The following SEMA3D variants were observed in gnomAD, a reference collection of about 807,000 sequenced individuals.
SEMA3D encodes semaphorin-3D.
SEMA3D carries 84 observed loss-of-function variants against 100.1 expected under a neutral mutation model. The ratio of observed to expected loss-of-function variants is 0.84; its 90% CI spans 0.70 to 1.01. The LOEUF is 1.01. Among genes scored for constraint, SEMA3D ranks in the 50% least tolerant of loss-of-function variants. The pLI, the probability that SEMA3D is intolerant of heterozygous loss-of-function variation, is 0.00. For synonymous variants in SEMA3D, 312 were observed against 320.7 expected, an observed-to-expected ratio of 0.97 and a Z score of 0.29; for missense variants, 875 against 934.1, an observed-to-expected ratio of 0.94 and a Z score of 0.82.
At chr7:85,092,623 AAT>A (rs1370574257) in intron 4 of SEMA3D, among the ~76,000 whole-genome samples, 3 of 152,050 alleles carry the variant, frequency 2.0e-5, no homozygotes, top group African/African-American at 4.8e-5. Context: ...TTTTTTAAAA[AAT>A]ATGTTTTCTG....
the SEMA3D span, among the ~76,000 whole-genome samples, chr7:85,213,737 G>T: frequency 3.3e-5 from 5 of 152,152 alleles, no homozygotes; most frequent in Non-Finnish European, 7.4e-5. Flanking sequence ...TAGTGTAAGT[G>T]CATGAGGTCT....
At chr7:85,161,089 C>A (rs1790734472) in intron 1 of SEMA3D, among the ~76,000 whole-genome samples, 1 of 152,064 alleles carries the variant, frequency 6.6e-6, no homozygotes, top group Non-Finnish European at 1.5e-5. Context: ...GAAGACAACA[C>A]AATCAACATA....
the SEMA3D span, among the ~76,000 whole-genome samples, chr7:85,248,608 C>A: frequency 6.6e-6 from 1 of 151,980 alleles, no homozygotes; most frequent in African/African-American, 2.4e-5. Context: ...AGAAATAAAA[C>A]GTGATACATC....
intron 1 of SEMA3D, among the ~76,000 whole-genome samples, chr7:85,184,833 G>T (rs1024636992): frequency 6.6e-6 from 1 of 152,156 alleles, no homozygotes; most frequent in Non-Finnish European, 1.5e-5. Context: ...GCGCCTGTCA[G>T]CGATGGCACC....
At chr7:85,220,368 T>C in the SEMA3D span, among the ~76,000 whole-genome samples, 1 of 151,438 alleles carries the variant, frequency 6.6e-6, no homozygotes, top group Non-Finnish European at 1.5e-5. Flanking sequence ...AAATTTCTAT[T>C]TACCGATTTA....
intron 9 of SEMA3D, among the ~76,000 whole-genome samples, chr7:85,048,685 A>C (rs1791075686): frequency 6.6e-6 from 1 of 151,890 alleles, no homozygotes. Flanking sequence ...TGTTTCATGT[A>C]CCTGGTTCAT....
chr7:85,029,042 C>T (rs1790470892), intron 12 of SEMA3D: 7 of 469,370 alleles, frequency 1.5e-5, no homozygotes, highest in Non-Finnish European at 2.9e-5. Flanking sequence ...ATTAAAACTG[C>T]TGATGGAGTC....
chr7:85,199,080 A>C, the SEMA3D span, among the ~76,000 whole-genome samples: 1 of 151,980 alleles, frequency 6.6e-6, no homozygotes, highest in East Asian at 1.9e-4. Context: ...TTCCGGATAA[A>C]GAGACATCAT....
chr7:85,066,288 G>A (rs1349429617), intron 7 of SEMA3D, among the ~76,000 whole-genome samples: 1 of 151,810 alleles, frequency 6.6e-6, no homozygotes, highest in Non-Finnish European at 1.5e-5. Flanking sequence ...GACAGGAGAA[G>A]GAAAGGGAGG....
intron 17 of SEMA3D, among the ~76,000 whole-genome samples, chr7:85,007,884 C>A (rs1294038583): frequency 6.6e-6 from 1 of 151,790 alleles, no homozygotes; most frequent in African/African-American, 2.4e-5. Flanking sequence ...CAGCAAATGG[C>A]ATAATTGCAC....
chr7:85,006,583 A>G (rs1253096024), intron 18 of SEMA3D, among the ~76,000 whole-genome samples: 2 of 151,990 alleles, frequency 1.3e-5, no homozygotes, highest in Non-Finnish European at 2.9e-5. Context: ...TTTCTTTAAA[A>G]AAATCAGTCT....
rs763396779 is a variant in SEMA3D, at chr7:85,022,573, C to T, written c.1232G>A (p.Arg411Gln). ...KTYDPLIKST[R>Q]DFPDDVISFI... ...ACTGATGACATCATCTGGAAAATCT[C>T]GGGTGGACTTAATCAGTGGGTCATA... Residue 411 changes from arginine to glutamine, a missense_variant, in exon 13 of 19, where the codon CGA (arginine) becomes CAA (glutamine). Physicochemically the swap from Arg to Gln is conservative, Grantham distance 43. Coordinates refer to ENST00000284136, the MANE Select transcript of SEMA3D (RefSeq NM_001384900.1). 5.6e-6 allele frequency: 9 copies of T among 1,612,172 alleles called. No homozygotes were observed. The highest frequency in any genetic ancestry group is 6.8e-6 in the Non-Finnish European group (8 of 1,178,884).
At chr7:85,138,652 T>A (rs1230733550) in intron 2 of SEMA3D, among the ~76,000 whole-genome samples, 2 of 89,318 alleles carry the variant, frequency 2.2e-5, no homozygotes, top group African/African-American at 1.5e-4. Flanking sequence ...ATATATTTAA[T>A]TTAATATATA....
chr7:85,167,216 A>G (rs1466641055), intron 1 of SEMA3D: 1 of 932,642 alleles, frequency 1.1e-6, no homozygotes. Flanking sequence ...TTGAAATGTT[A>G]TAATAGGCTG....
intron 18 of SEMA3D, among the ~76,000 whole-genome samples, chr7:85,005,093 T>G (rs1230666929): frequency 1.3e-5 from 2 of 151,856 alleles, no homozygotes; most frequent in East Asian, 3.9e-4. Context: ...TCAGATTAAA[T>G]TTCCCATGAA....
At chr7:85,217,579 A>G in the SEMA3D span, among the ~76,000 whole-genome samples, 3 of 152,096 alleles carry the variant, frequency 2.0e-5, no homozygotes, top group Non-Finnish European at 2.9e-5. Flanking sequence ...GGACTGGAGG[A>G]TAAGAGAGTG....
At position 85,179,913 on chromosome 7, in the gene SEMA3D, A is replaced by G. The variant is rs998111162; in HGVS notation, c.-173+6765T>C. 2.0e-5 allele frequency among the ~76,000 whole-genome samples: 3 copies of G among 152,176 alleles called. No individual in the cohort carries two copies. In the South Asian group the frequency reaches 6.2e-4, roughly 31 times the overall value. On this transcript the variant is annotated intron_variant, in intron 1 of 18. Transcript: ENST00000284136. ...CCTGACCTCGTGATCCACCTGCCTC[A>G]GCCTCCCAAAGTGCTGGGATTACAG...
the SEMA3D span, among the ~76,000 whole-genome samples, chr7:85,204,484 A>C: frequency 2.0e-5 from 3 of 152,134 alleles, no homozygotes; most frequent in African/African-American, 7.2e-5. Flanking sequence ...GGCCCAACCC[A>C]GTGTAAATCA....
At chr7:85,065,618 C>T in intron 7 of SEMA3D, 66 bp from the exon 8 acceptor site, 1 of 1,178,372 alleles carries the variant, frequency 8.5e-7, no homozygotes, top group Non-Finnish European at 1.2e-6. Context: ...TTAACATGTA[C>T]AAATTTCACA....
Sources: gnomAD v4.1 joint callset for allele counts (sites outside exome capture counted in the v4.1 genomes callset) on GRCh38, gnomAD v4.1.1 for gene constraint, MANE v1.5 for transcripts, NCBI Gene and HGNC (gene_info 2026-07-23, HGNC 2026-07-21) for gene names.